The following WDSUB1 variants were observed in gnomAD, a reference collection of about 807,000 sequenced individuals.
The protein encoded by WDSUB1 is WD repeat, SAM and U-box domain-containing protein 1.
In WDSUB1, 49 loss-of-function variants were observed where a neutral mutation model predicts 53.9. That is an observed-to-expected ratio of 0.91 (90% confidence interval 0.72 to 1.15). The LOEUF is 1.15. WDSUB1 is among the 50% of genes most tolerant of loss of function. The pLI, the probability that WDSUB1 is intolerant of heterozygous loss-of-function variation, is 0.00. For missense variants in WDSUB1, 514 were observed against 562.0 expected (o/e 0.91, Z 0.86); for synonymous variants, 194 against 200.6 (o/e 0.97, Z 0.28).
At position 159,236,041 on chromosome 2, in the gene WDSUB1, G is replaced by A. The variant is rs377262700; in HGVS notation, c.1423C>T (p.Gln475Ter). 12 of 1,592,564 alleles carry A rather than the reference G, an allele frequency of 7.5e-6. No homozygotes were observed. In the African/African-American group the frequency reaches 1.5e-4, roughly 20 times the overall value. ...ATACAATATCAACAATTTTACTTTT[G>A]GTGTGTCTCCAGCCATCTATTGATG... ...MAINRWLETH[Q>*]K The change falls in exon 11 of 11, where the codon CAA becomes TAA. Residue 475 changes from glutamine to a stop codon, truncating the protein, a stop_gained. Transcript: ENST00000359774. LOFTEE classifies it high-confidence loss of function.
At chr2:159,247,831 T>G (rs2151064540) in intron 10 of WDSUB1, among the ~76,000 whole-genome samples, 1 of 138,852 alleles carries the variant, frequency 7.2e-6, no homozygotes, top group South Asian at 2.3e-4. Context: ...AAAGTCAACA[T>G]AGACTAAGCC....
At chr2:159,276,340 G>A (rs778777544) in intron 3 of WDSUB1, among the ~76,000 whole-genome samples, 126 of 152,224 alleles carry the variant, frequency 8.3e-4, no homozygotes, top group Middle Eastern at 3.4e-3. Context: ...GATTACAGGC[G>A]TGAGCCACTG....
chr2:159,255,743 C>T (rs1183095120), intron 9 of WDSUB1, among the ~76,000 whole-genome samples: 3 of 152,146 alleles, frequency 2.0e-5, no homozygotes, highest in Non-Finnish European at 4.4e-5. Context: ...TAAATCTCAA[C>T]ATGAATATCT....
rs376391757 is a variant in WDSUB1, at chr2:159,274,130, A to G, written c.676+1416T>C. On this transcript the variant is annotated intron_variant, in intron 4 of 10. Transcript: ENST00000359774. ...GGGGAGGCAGAAAGCACATTAAGTAATGAAGAAGTATAAAAGAATAACAGC... is the reference window on the plus strand; with the variant it reads ...GGGGAGGCAGAAAGCACATTAAGTAGTGAAGAAGTATAAAAGAATAACAGC... 5.3e-5 allele frequency among the ~76,000 whole-genome samples: 8 copies of G among 152,340 alleles called. No homozygotes were observed. The East Asian group carries it at 1.3e-3, about 26-fold the overall frequency.
intron 5 of WDSUB1, among the ~76,000 whole-genome samples, chr2:159,261,869 TATATATATATATA>T (rs2061205431): frequency 4.7e-5 from 1 of 21,480 alleles, no homozygotes. Context: ...TATATATATA[TATATATATATATA>T]TATATATATA....
chr2:159,245,054 A>G (rs932296963), intron 10 of WDSUB1, among the ~76,000 whole-genome samples: 6 of 152,230 alleles, frequency 3.9e-5, no homozygotes, highest in Non-Finnish European at 8.8e-5. Context: ...TACCATGTTC[A>G]TGGATTAGAG....
intron 5 of WDSUB1, among the ~76,000 whole-genome samples, chr2:159,266,379 G>A (rs10189271): frequency 0.083 from 12,601 of 152,140 alleles, 1,164 homozygotes; most frequent in African/African-American, 0.22. Context: ...TAGTACAGAT[G>A]GGGTTTCACC....
chr2:159,271,075 C>G (rs1404456131), intron 5 of WDSUB1, among the ~76,000 whole-genome samples: 1 of 152,126 alleles, frequency 6.6e-6, no homozygotes, highest in East Asian at 1.9e-4. Context: ...CTCACAATAC[C>G]AAGTACAGGC....
chr2:159,236,215 T>C, intron 10 of WDSUB1, 25 bp from the exon 11 acceptor site: 1 of 1,587,422 alleles, frequency 6.3e-7, no homozygotes, highest in South Asian at 1.2e-5. Flanking sequence ...TCACACAAAT[T>C]ACATGATGTA....
intron 3 of WDSUB1, among the ~76,000 whole-genome samples, chr2:159,278,335 C>T (rs1394894091): frequency 6.6e-6 from 1 of 152,062 alleles, no homozygotes; most frequent in Non-Finnish European, 1.5e-5. Flanking sequence ...ATTATTTCAG[C>T]AAATCATTAA....
chr2:159,279,701 C>T, intron 3 of WDSUB1, 60 bp downstream of exon 3: 5 of 1,468,620 alleles, frequency 3.4e-6, no homozygotes, highest in South Asian at 1.4e-5. Context: ...AATGAAAAGT[C>T]ATATACAGCA....
At chr2:159,249,911 C>CAAAAA (rs370000755) in intron 9 of WDSUB1, among the ~76,000 whole-genome samples, 1 of 131,106 alleles carries the variant, frequency 7.6e-6, no homozygotes, top group Non-Finnish European at 1.6e-5. Context: ...ATTAAAAATA[C>CAAAAA]AAAAAAAAAA....
chr2:159,272,263 C>T (rs1328443239), intron 4 of WDSUB1, among the ~76,000 whole-genome samples: 2 of 152,200 alleles, frequency 1.3e-5, no homozygotes, highest in Non-Finnish European at 2.9e-5. Context: ...CATTCGGTTA[C>T]GGATTGCAGA....
chr2:159,247,602 A>G (rs980563783), intron 10 of WDSUB1, among the ~76,000 whole-genome samples: 3 of 152,012 alleles, frequency 2.0e-5, no homozygotes, highest in Non-Finnish European at 4.4e-5. Flanking sequence ...TTTCACATTC[A>G]TAAAACATCC....
At chr2:159,253,454 A>C (rs368074450) in intron 9 of WDSUB1, among the ~76,000 whole-genome samples, 5 of 152,228 alleles carry the variant, frequency 3.3e-5, no homozygotes, top group East Asian at 1.9e-4. Context: ...AATTTCATTT[A>C]TTGTGTATTT....
chr2:159,275,809 C>T (rs922826526), intron 3 of WDSUB1, among the ~76,000 whole-genome samples, 171 bp from the exon 4 acceptor site: 3 of 152,110 alleles, frequency 2.0e-5, no homozygotes, highest in African/African-American at 7.2e-5. Context: ...TTCTTTTAAA[C>T]AAGGTACTAT....
rs778680654 is a variant in WDSUB1, at chr2:159,279,877, G to A, written c.467C>T (p.Thr156Ile). ...TGTTAAATCACCACATGAGGAGCCA[G>A]TGACAAAGAAGCTTCCATTAGGAGA... ...AFSPNGSFFV[T>I]GSSCGDLTVW... Residue 156 changes from threonine to isoleucine, a missense_variant, in exon 3 of 11, where the codon ACT (threonine) becomes ATT (isoleucine). Coordinates refer to ENST00000359774, the MANE Select transcript of WDSUB1 (RefSeq NM_001128212.3). 1.2e-6 allele frequency: 2 copies of A among 1,612,888 alleles called. No homozygotes were observed. The highest frequency in any genetic ancestry group is 1.7e-6 in the Non-Finnish European group (2 of 1,179,108).
At chr2:159,241,018 C>CAAATAGGAATTACTAT (rs2060629513) in intron 10 of WDSUB1, among the ~76,000 whole-genome samples, 1 of 151,848 alleles carries the variant, frequency 6.6e-6, no homozygotes, top group Non-Finnish European at 1.5e-5. Context: ...GAAAAGTCTA[C>CAAATAGGAATTACTAT]GATGACAAAT....
chr2:159,281,023 A>C (rs73004987), intron 2 of WDSUB1, among the ~76,000 whole-genome samples: 2 of 152,118 alleles, frequency 1.3e-5, no homozygotes, highest in Non-Finnish European at 2.9e-5. Flanking sequence ...GATATTTGGC[A>C]TAAGTGTTTA....
Sources: gnomAD v4.1 joint callset for allele counts (sites outside exome capture counted in the v4.1 genomes callset) on GRCh38, gnomAD v4.1.1 for gene constraint, MANE v1.5 for transcripts, NCBI Gene and HGNC (gene_info 2026-07-23, HGNC 2026-07-21) for gene names.